APLF: variants seen among roughly 807,000 people sequenced by gnomAD.
APLF encodes aprataxin and PNKP like factor.
In APLF, 61 loss-of-function variants were observed where a neutral mutation model predicts 55.6. The observed-to-expected ratio is 1.10, with a 90% confidence interval of 0.89 to 1.36. The LOEUF is 1.36. Ranked by LOEUF, APLF falls within the 40% of genes most tolerant of loss-of-function variation. The pLI, the probability that APLF is intolerant of heterozygous loss-of-function variation, is 0.00. For missense variants in APLF, 611 were observed against 602.5 expected, an observed-to-expected ratio of 1.01 and a Z score of -0.15; for synonymous variants, 207 against 214.8, an observed-to-expected ratio of 0.96 and a Z score of 0.32.
intron 6 of APLF, chr2:68,531,223 AAGAT>A (rs1001453767): frequency 2.0e-5 from 3 of 152,198 alleles, no homozygotes; most frequent in Non-Finnish European, 2.9e-5. Flanking sequence ...AAGAGAGAGA[AAGAT>A]AGAGATGGCC....
At chr2:68,473,371 A>G (rs1675681221) in intron 1 of APLF, among the ~76,000 whole-genome samples, 1 of 152,206 alleles carries the variant, frequency 6.6e-6, no homozygotes, top group Admixed American at 6.5e-5. Context: ...AGTGATGAAT[A>G]ATATTCCATT....
intron 5 of APLF, among the ~76,000 whole-genome samples, chr2:68,525,433 A>T (rs1670011293): frequency 6.6e-6 from 1 of 152,244 alleles, no homozygotes; most frequent in Non-Finnish European, 1.5e-5. Context: ...CAATTAAAAA[A>T]ATAACATGTA....
rs562017680 is a variant in APLF at position 68,516,444 on chromosome 2, A to T, written c.622+2764A>T. 1.1e-3 allele frequency among the ~76,000 whole-genome samples: 170 copies of T among 151,146 alleles called. 1 individual carries two copies. Among genetic ancestry groups the T allele is most frequent in the Non-Finnish European group, 7.2e-4 (49 of 67,634 alleles). On this transcript the variant is annotated intron_variant, in intron 5 of 9. Coordinates refer to ENST00000303795, the MANE Select transcript of APLF (RefSeq NM_173545.3). ...TTATTATCATCACTATTATATATAT[A>T]TTTTTTATTTCAACAGGTTTTTGTG...
At chr2:68,493,046 A>G (rs1164626218) in intron 2 of APLF, among the ~76,000 whole-genome samples, 2 of 151,890 alleles carry the variant, frequency 1.3e-5, no homozygotes, top group East Asian at 1.9e-4. Flanking sequence ...GGTTCTTTGA[A>G]CTCTGTAGTA....
chr2:68,470,156 T>A (rs1675573525), intron 1 of APLF, among the ~76,000 whole-genome samples: 1 of 152,194 alleles, frequency 6.6e-6, no homozygotes, highest in South Asian at 2.1e-4. Context: ...GTTAGAAGGT[T>A]TTACAGCAGG....
intron 5 of APLF, among the ~76,000 whole-genome samples, chr2:68,518,310 T>C (rs189047296): frequency 0.093 from 10,529 of 113,046 alleles, 586 homozygotes; most frequent in Middle Eastern, 0.2. Flanking sequence ...TATTATATAT[T>C]ATTTAATAAT....
chr2:68,468,627 C>G (rs1194518907), intron 1 of APLF, among the ~76,000 whole-genome samples: 1 of 152,182 alleles, frequency 6.6e-6, no homozygotes, highest in African/African-American at 2.4e-5. Context: ...GGAATAAGAA[C>G]ATTTGCATAT....
chr2:68,471,581 G>T (rs1265509305), intron 1 of APLF, among the ~76,000 whole-genome samples: 1 of 152,208 alleles, frequency 6.6e-6, no homozygotes, highest in Non-Finnish European at 1.5e-5. Context: ...CACAGGGACA[G>T]TGATAAATGA....
At chr2:68,577,462 G>T (rs1671655532) in intron 9 of APLF, among the ~76,000 whole-genome samples, 1 of 152,130 alleles carries the variant, frequency 6.6e-6, no homozygotes, top group African/African-American at 2.4e-5. Context: ...ATTTCTTTGA[G>T]CAATCACTGA....
chr2:68,475,275 A>G (rs1675736950), intron 1 of APLF, among the ~76,000 whole-genome samples: 1 of 152,238 alleles, frequency 6.6e-6, no homozygotes, highest in African/African-American at 2.4e-5. Flanking sequence ...CTATGTAAGC[A>G]GCATTGCAAG....
At chr2:68,478,066 C>T (rs887629617) in intron 1 of APLF, among the ~76,000 whole-genome samples, 9 of 150,866 alleles carry the variant, frequency 6.0e-5, no homozygotes, top group Middle Eastern at 3.4e-3. Flanking sequence ...AGTGCAATAC[C>T]GTAAACCTTG....
At chr2:68,489,580 A>G (rs1213830558) in intron 1 of APLF, among the ~76,000 whole-genome samples, 1 of 152,222 alleles carries the variant, frequency 6.6e-6, no homozygotes, top group African/African-American at 2.4e-5. Context: ...AAGCAAATAG[A>G]TATTTTTAAA....
At position 68,491,072 on chromosome 2, in the gene APLF, G is replaced by A. The variant is rs186502927; in HGVS notation, c.168+811G>A. On this transcript the variant is annotated intron_variant, in intron 2 of 9. Transcript: ENST00000303795. ...GTTTAACTGTTTGCAAATTTGGAAA[G>A]CATCTTTTTAATTTTAGTACTTGGA... Among the ~76,000 whole-genome samples the A allele has an allele frequency of 2.7e-3, 407 of 152,192 alleles. 1 individual carries two copies. The highest frequency in any genetic ancestry group is 8.8e-3 in the Admixed American group (134 of 15,280).
chr2:68,488,284 T>G (rs1676247993), intron 1 of APLF, among the ~76,000 whole-genome samples: 1 of 151,902 alleles, frequency 6.6e-6, no homozygotes, highest in South Asian at 2.1e-4. Context: ...TTTGAATGAT[T>G]ACATGTAGGT....
intron 5 of APLF, among the ~76,000 whole-genome samples, chr2:68,521,606 C>G (rs372985116): frequency 5.3e-5 from 8 of 151,972 alleles, no homozygotes; most frequent in African/African-American, 1.9e-4. Flanking sequence ...GTTCTTTCAG[C>G]CTTCCAGGCC....
At chr2:68,473,902 T>C (rs914356488) in intron 1 of APLF, among the ~76,000 whole-genome samples, 18 of 152,208 alleles carry the variant, frequency 1.2e-4, no homozygotes, top group African/African-American at 4.3e-4. Flanking sequence ...TATCTGGAGA[T>C]AGCATCAGCT....
At chr2:68,473,980 T>G (rs1675696365) in intron 1 of APLF, among the ~76,000 whole-genome samples, 1 of 152,204 alleles carries the variant, frequency 6.6e-6, no homozygotes, top group African/African-American at 2.4e-5. Context: ...AGCCCCAAGT[T>G]GTTTTACCTG....
chr2:68,577,940 G>GGGAACCAGGAAAGGAAGAT lies in APLF; in HGVS notation c.1456_1474dup (p.Glu492GlyfsTer7). On this transcript the variant is annotated frameshift_variant, in exon 10 of 10. Transcript: ENST00000303795. LOFTEE classifies it high-confidence loss of function. ...GAGCCAACAGATGAAGATTCTGACTGGGAACCAGGAAAGGAAGATGAAGAG... is the reference window on the plus strand; with the variant it reads ...GAGCCAACAGATGAAGATTCTGACTGGGAACCAGGAAAGGAAGATGGAACCAGGAAAGGAAGATGAAGAG... 1 of 1,613,584 alleles carries GGGAACCAGGAAAGGAAGAT rather than the reference G, an allele frequency of 6.2e-7. No homozygotes were observed. Among genetic ancestry groups the GGGAACCAGGAAAGGAAGAT allele is most frequent in the Non-Finnish European group, 8.5e-7 (1 of 1,179,724 alleles).
intron 2 of APLF, among the ~76,000 whole-genome samples, chr2:68,499,896 A>T (rs1346090511): frequency 1.3e-5 from 2 of 152,170 alleles, no homozygotes; most frequent in Admixed American, 6.5e-5. Flanking sequence ...ACACGTAAAC[A>T]TACTTTAAAA....
Sources: gnomAD v4.1 joint callset for allele counts (sites outside exome capture counted in the v4.1 genomes callset) on GRCh38, gnomAD v4.1.1 for gene constraint, MANE v1.5 for transcripts, NCBI Gene and HGNC (gene_info 2026-07-23, HGNC 2026-07-21) for gene names.